Variants in KCNH1 observed in about 807,000 individuals in gnomAD.
KCNH1 encodes voltage-gated delayed rectifier potassium channel KCNH1.
In KCNH1, 27 loss-of-function variants were observed where a neutral mutation model predicts 69.2. That is an observed-to-expected ratio of 0.39 (90% CI 0.29 to 0.54). KCNH1 has a LOEUF of 0.54. Ranked by LOEUF, KCNH1 falls within the 20% of genes least tolerant of loss-of-function variation. The pLI is 0.68. For synonymous variants in KCNH1, 456 were observed against 487.7 expected, an observed-to-expected ratio of 0.93 and a Z score of 0.86; for missense variants, 798 against 1,261.6, an observed-to-expected ratio of 0.63 and a Z score of 5.57.
At chr1:210,945,082 G>A (rs931303429) in intron 6 of KCNH1, among the ~76,000 whole-genome samples, 3 of 152,178 alleles carry the variant, frequency 2.0e-5, no homozygotes, top group Non-Finnish European at 4.4e-5. Context: ...TATAGCATGT[G>A]TCAGAATTTC....
intron 5 of KCNH1, among the ~76,000 whole-genome samples, chr1:211,050,982 T>TGTTTG (rs1225041075): frequency 3.0e-5 from 3 of 99,528 alleles, no homozygotes; most frequent in Admixed American, 2.3e-4. Flanking sequence ...GATATTAATA[T>TGTTTG]TTTTGTTTTG....
At chr1:211,025,120 G>A (rs973443323) in intron 5 of KCNH1, among the ~76,000 whole-genome samples, 6 of 152,280 alleles carry the variant, frequency 3.9e-5, no homozygotes, top group Admixed American at 1.3e-4. Flanking sequence ...TTAGTCAAAG[G>A]CAACAAGCTG....
rs576990730 is a variant in KCNH1 at position 210,797,098 on chromosome 1, T to C, written c.1915+410A>G. Among the ~76,000 whole-genome samples, 967 of 146,766 alleles carry C rather than the reference T, an allele frequency of 6.6e-3. 5 individuals carry two copies. The highest frequency in any genetic ancestry group is 0.017 in the Middle Eastern group (5 of 288). ...TCTCCCTCTGAAAGGATTTGACACA[T>C]GCTATCCCCTCTTTTTAGGATACTT... On this transcript the variant is annotated intron_variant, in intron 9 of 10. Coordinates refer to ENST00000271751, the MANE Select transcript of KCNH1 (RefSeq NM_172362.3).
chr1:210,913,763 G>A (rs1466472250), intron 7 of KCNH1, among the ~76,000 whole-genome samples: 1 of 152,150 alleles, frequency 6.6e-6, no homozygotes, highest in Non-Finnish European at 1.5e-5. Flanking sequence ...CCCCATATCA[G>A]TTTTCCTTGC....
chr1:210,879,863 A>C (rs1686459458), intron 7 of KCNH1, among the ~76,000 whole-genome samples: 1 of 152,156 alleles, frequency 6.6e-6, no homozygotes, highest in Admixed American at 6.6e-5. Flanking sequence ...ACTGACAAAA[A>C]AATCTTTTGG....
chr1:211,128,182 A>G (rs532573178), intron 1 of KCNH1, among the ~76,000 whole-genome samples: 11 of 151,328 alleles, frequency 7.3e-5, no homozygotes, highest in Admixed American at 1.3e-4. Flanking sequence ...CCAGCTACTC[A>G]GGAGGCTGAG....
chr1:211,031,814 G>A (rs1689790604), intron 5 of KCNH1, among the ~76,000 whole-genome samples: 1 of 152,088 alleles, frequency 6.6e-6, no homozygotes, highest in Non-Finnish European at 1.5e-5. Context: ...ATACTGAATG[G>A]ACAAAAACTG....
intron 6 of KCNH1, among the ~76,000 whole-genome samples, chr1:210,981,515 G>A (rs1000654340): frequency 7.9e-5 from 12 of 151,756 alleles, no homozygotes; most frequent in Non-Finnish European, 1.3e-4. Flanking sequence ...AAATGAATTC[G>A]GTCATTAATA....
In KCNH1 at chr1:210,956,161, C is replaced by T. The variant is rs187328318; in HGVS notation, c.1033-36092G>A. 1.4e-4 allele frequency among the ~76,000 whole-genome samples: 22 copies of T among 152,180 alleles called. No homozygotes were observed. In the South Asian group the frequency reaches 2.3e-3, roughly 16 times the overall value. ...CCTTTACAGCATCTATGGAGATAAT[C>T]GTGTGGTTTATGTCGTTGGTTCTGT... On this transcript the variant is annotated intron_variant, in intron 6 of 10. Transcript: ENST00000271751.
chr1:210,906,610 G>A (rs1687107029), intron 7 of KCNH1, among the ~76,000 whole-genome samples: 1 of 152,234 alleles, frequency 6.6e-6, no homozygotes, highest in African/African-American at 2.4e-5. Flanking sequence ...TCCAGTGGGT[G>A]AAATTTTAAA....
chr1:211,129,777 C>G lies in KCNH1; in HGVS notation c.79+4090G>C, dbSNP rs17017230. Among the ~76,000 whole-genome samples the G allele has an allele frequency of 9.1e-3, 1,393 of 152,290 alleles. 9 individuals carry two copies. Among genetic ancestry groups the G allele is most frequent in the Middle Eastern group, 0.031 (9 of 294 alleles). On this transcript the variant is annotated intron_variant, in intron 1 of 10. Coordinates refer to ENST00000271751, the MANE Select transcript of KCNH1 (RefSeq NM_172362.3). ...TCGTGGTTCTCATCCTGTTTGCTAA[C>G]TAATTATATCAACAACCTGAACCAA...
At chr1:210,742,169 C>G (rs960866231) in intron 10 of KCNH1, among the ~76,000 whole-genome samples, 1 of 152,146 alleles carries the variant, frequency 6.6e-6, no homozygotes, top group Non-Finnish European at 1.5e-5. Context: ...AAAAGGACAA[C>G]AGGTCAAATC....
chr1:210,716,427 G>A (rs373289294), intron 10 of KCNH1, among the ~76,000 whole-genome samples: 36 of 68,688 alleles, frequency 5.2e-4, no homozygotes, highest in African/African-American at 2.8e-3. Context: ...GCAAGACTCC[G>A]TCTCAAAAAA....
intron 5 of KCNH1, among the ~76,000 whole-genome samples, chr1:211,024,114 C>T (rs1332399741): frequency 6.6e-6 from 1 of 152,030 alleles, no homozygotes; most frequent in Non-Finnish European, 1.5e-5. Flanking sequence ...GCTCTATGCC[C>T]GGAACTGTTC....
intron 6 of KCNH1, among the ~76,000 whole-genome samples, chr1:210,940,894 A>G (rs1388692749): frequency 6.6e-6 from 1 of 152,242 alleles, no homozygotes; most frequent in Admixed American, 6.5e-5. Flanking sequence ...TTGTATCCTG[A>G]CATTGATGCA....
At chr1:211,071,021 T>A (rs1458720130) in intron 5 of KCNH1, among the ~76,000 whole-genome samples, 1 of 152,172 alleles carries the variant, frequency 6.6e-6, no homozygotes, top group Non-Finnish European at 1.5e-5. Flanking sequence ...ATAAAGTCAA[T>A]TAACACATCT....
chr1:210,856,789 A>ATATATATT (rs1553352180), intron 7 of KCNH1, among the ~76,000 whole-genome samples: 10 of 122,084 alleles, frequency 8.2e-5, no homozygotes, highest in Admixed American at 1.8e-4. Flanking sequence ...TTATATATAT[A>ATATATATT]TATATTTATA....
intron 6 of KCNH1, among the ~76,000 whole-genome samples, chr1:211,003,388 A>C (rs535232502): frequency 7.0e-4 from 107 of 152,338 alleles, no homozygotes; most frequent in African/African-American, 2.5e-3. Flanking sequence ...AAATTCGTAT[A>C]AAGTAACTTT....
rs72757601 is a variant in KCNH1 at position 211,002,880 on chromosome 1, T to C, written c.1032+15903A>G. On this transcript the variant is annotated intron_variant, in intron 6 of 10. Transcript: ENST00000271751. ...CCTTGGAATTCCGGAGCAAAGAGAA[T>C]GTCAAGTTATAAGGAGATAAAGTTA... Among the ~76,000 whole-genome samples, 273 of 152,188 alleles carry C rather than the reference T, an allele frequency of 1.8e-3. 1 individual carries two copies. The highest frequency in any genetic ancestry group is 3.2e-3 in the Non-Finnish European group (219 of 68,016).
Sources: allele counts gnomAD v4.1 joint callset (sites outside exome capture counted in the v4.1 genomes callset), GRCh38; gene constraint gnomAD v4.1.1; transcripts MANE v1.5; gene names NCBI Gene and HGNC (gene_info 2026-07-23, HGNC 2026-07-21).